Variants in NLGN1 observed in about 807,000 individuals in gnomAD.
NLGN1 encodes the protein neuroligin 1.
A neutral mutation model predicts 65.5 loss-of-function variants in NLGN1; 12 were observed. The ratio of observed to expected loss-of-function variants is 0.18; its 90% confidence interval spans 0.12 to 0.30. The LOEUF (loss-of-function observed/expected upper bound fraction) is 0.30. NLGN1 is among the 10% of genes least tolerant of loss of function. The pLI is 1.00. For missense variants in NLGN1, 750 were observed against 1,007.1 expected, an observed-to-expected ratio of 0.74 and a Z score of 3.46; for synonymous variants, 350 against 359.5, an observed-to-expected ratio of 0.97 and a Z score of 0.30.
At chr3:174,173,880 G>A (rs573970669) in intron 4 of NLGN1, among the ~76,000 whole-genome samples, 5 of 151,976 alleles carry the variant, frequency 3.3e-5, no homozygotes, top group African/African-American at 4.8e-5. Flanking sequence ...GGTTACATGA[G>A]TAAGTTATTT....
intron 4 of NLGN1, among the ~76,000 whole-genome samples, chr3:174,150,679 T>C (rs6798464): frequency 0.37 from 55,722 of 151,886 alleles, 11,910 homozygotes; most frequent in African/African-American, 0.59. Context: ...TCATTAAAGG[T>C]CATACCCATT....
At chr3:173,994,465 CAAAAAAAA>C (rs1170577220) in intron 4 of NLGN1, among the ~76,000 whole-genome samples, 1 of 32,908 alleles carries the variant, frequency 3.0e-5, no homozygotes, top group Non-Finnish European at 5.4e-5. Flanking sequence ...TTGAGAAAAG[CAAAAAAAA>C]AAAAAAAAAA....
chr3:174,074,963 T>G (rs1250917118), intron 4 of NLGN1, among the ~76,000 whole-genome samples: 1 of 152,182 alleles, frequency 6.6e-6, no homozygotes, highest in East Asian at 1.9e-4. Flanking sequence ...TGGAATAAAC[T>G]TCTAATCCAC....
chr3:173,997,997 G>A (rs905242811), intron 4 of NLGN1, among the ~76,000 whole-genome samples: 2 of 152,056 alleles, frequency 1.3e-5, no homozygotes, highest in African/African-American at 2.4e-5. Context: ...ACATCAATAC[G>A]AGTTTCTGTA....
intron 4 of NLGN1, among the ~76,000 whole-genome samples, chr3:174,197,985 T>A (rs1733783168): frequency 6.6e-6 from 1 of 152,116 alleles, no homozygotes; most frequent in South Asian, 2.1e-4. Flanking sequence ...TACACATATA[T>A]CTATATACTC....
chr3:173,603,502 CATAA>C (rs1183644594), intron 2 of NLGN1, among the ~76,000 whole-genome samples: 1 of 151,884 alleles, frequency 6.6e-6, no homozygotes, highest in African/African-American at 2.4e-5. Context: ...GACTTTGAGT[CATAA>C]ATTAATTTTT....
intron 2 of NLGN1, among the ~76,000 whole-genome samples, chr3:173,491,511 G>C (rs1253574611): frequency 6.6e-6 from 1 of 151,748 alleles, no homozygotes; most frequent in African/African-American, 2.4e-5. Flanking sequence ...ATGTTACTGA[G>C]GATTTTTGCA....
At chr3:173,877,966 G>T (rs751115053) in intron 4 of NLGN1, among the ~76,000 whole-genome samples, 1 of 152,084 alleles carries the variant, frequency 6.6e-6, no homozygotes, top group Non-Finnish European at 1.5e-5. Context: ...CTGTTATATG[G>T]TCTTCAAATT....
chr3:174,197,001 A>G (rs987027828), intron 4 of NLGN1, among the ~76,000 whole-genome samples: 27 of 152,290 alleles, frequency 1.8e-4, no homozygotes, highest in African/African-American at 6.5e-4. Context: ...TAAATATTTA[A>G]TTTTGTCAAT....
intron 4 of NLGN1, among the ~76,000 whole-genome samples, chr3:174,132,038 A>G (rs913856594): frequency 2.0e-5 from 3 of 152,212 alleles, no homozygotes; most frequent in African/African-American, 7.2e-5. Context: ...ATTTCCATTC[A>G]TAGTTGTTAT....
intron 4 of NLGN1, among the ~76,000 whole-genome samples, chr3:174,130,218 TA>T (rs1391729898): frequency 1.3e-5 from 2 of 151,880 alleles, no homozygotes; most frequent in Non-Finnish European, 2.9e-5. Flanking sequence ...ACTAAAAATA[TA>T]AAAAATTAGC....
chr3:173,624,344 G>A (rs997916520), intron 3 of NLGN1, among the ~76,000 whole-genome samples: 1 of 152,160 alleles, frequency 6.6e-6, no homozygotes, highest in African/African-American at 2.4e-5. Flanking sequence ...TAAGGAGGAT[G>A]AGTTTCAAGA....
intron 4 of NLGN1, among the ~76,000 whole-genome samples, chr3:174,034,536 G>A (rs1730713960): frequency 6.6e-6 from 1 of 152,056 alleles, no homozygotes; most frequent in Non-Finnish European, 1.5e-5. Flanking sequence ...AATGTCACAA[G>A]GGATGAGAAG....
intron 4 of NLGN1, among the ~76,000 whole-genome samples, chr3:174,134,359 T>C (rs1720808100): frequency 6.6e-6 from 1 of 152,160 alleles, no homozygotes. Context: ...ACCCATCTTA[T>C]TTGGTTATCA....
chr3:173,807,738 T>A lies in NLGN1; in HGVS notation c.552T>A (p.Tyr184Ter). 1 of 1,613,744 alleles carries A rather than the reference T, an allele frequency of 6.2e-7. No individual in the cohort carries two copies. Among genetic ancestry groups the A allele is most frequent in the Non-Finnish European group, 8.5e-7 (1 of 1,179,702 alleles). Reference sequence around the variant, plus strand: ...TGGTGTATATCCATGGTGGCTCATATATGGAAGGTACTGGAAATTTATATG... The same window carrying A: ...TGGTGTATATCCATGGTGGCTCATAAATGGAAGGTACTGGAAATTTATATG... Residue 184 changes from tyrosine to a stop codon, truncating the protein, a stop_gained, in exon 4 of 7, where the codon TAT becomes TAA. Coordinates refer to ENST00000457714, the Ensembl canonical transcript of NLGN1. LOFTEE classifies it high-confidence loss of function.
chr3:173,828,266 A>T (rs907281855), intron 4 of NLGN1, among the ~76,000 whole-genome samples: 1 of 152,072 alleles, frequency 6.6e-6, no homozygotes. Context: ...GACCATGCAG[A>T]TTTCTTTCTA....
At chr3:174,083,748 C>T (rs1421327230) in intron 4 of NLGN1, among the ~76,000 whole-genome samples, 1 of 151,952 alleles carries the variant, frequency 6.6e-6, no homozygotes, top group African/African-American at 2.4e-5. Flanking sequence ...ATGCTAATAC[C>T]CGGCTAATAT....
chr3:173,499,524 A>T (rs1233740226), intron 2 of NLGN1, among the ~76,000 whole-genome samples: 1 of 151,804 alleles, frequency 6.6e-6, no homozygotes, highest in Non-Finnish European at 1.5e-5. Context: ...GTTAGGATTG[A>T]CTTGGCAATG....
intron 3 of NLGN1, among the ~76,000 whole-genome samples, chr3:173,770,389 T>C (rs1779402589): frequency 6.6e-6 from 1 of 152,178 alleles, no homozygotes; most frequent in Non-Finnish European, 1.5e-5. Context: ...AGAGTACAAA[T>C]GATACATCAT....
Sources: gnomAD v4.1 joint callset for allele counts (sites outside exome capture counted in the v4.1 genomes callset) on GRCh38, gnomAD v4.1.1 for gene constraint, MANE v1.5 for transcripts, NCBI Gene and HGNC (gene_info 2026-07-23, HGNC 2026-07-21) for gene names.